Variants in BRD10 observed in about 807,000 individuals in gnomAD.
The protein encoded by BRD10 is uncharacterized bromodomain-containing protein 10.
At chr9:5,905,290 G>C in the BRD10 span, among the ~76,000 whole-genome samples, 432 of 152,176 alleles carry the variant, frequency 2.8e-3, 2 homozygotes, top group African/African-American at 9.9e-3. Flanking sequence ...GGACCCCAGG[G>C]AAACCTGAAA....
the BRD10 span, among the ~76,000 whole-genome samples, chr9:5,894,128 G>A: frequency 6.6e-6 from 1 of 152,128 alleles, no homozygotes; most frequent in Non-Finnish European, 1.5e-5. This position sits in a 1 kb window ranked among gnomAD's most constrained non-coding sequence, Gnocchi z 4.0. Flanking sequence ...CTAGGGCAGA[G>A]GTCAGTATCT....
the BRD10 span, chr9:5,969,432 G>A: frequency 2.0e-5 from 30 of 1,525,968 alleles, 1 homozygote; most frequent in South Asian, 6.4e-5. Flanking sequence ...TCCTGCTCCC[G>A]AAGCCTAAAG....
chr9:5,907,222 G>C, the BRD10 span: 1 of 305,976 alleles, frequency 3.3e-6, no homozygotes, highest in Non-Finnish European at 5.9e-6. Flanking sequence ...TTTCTTAATT[G>C]TGTTGTCACA....
At chr9:5,969,518 C>T in the BRD10 span, 19 of 894,778 alleles carry the variant, frequency 2.1e-5, no homozygotes, top group Non-Finnish European at 3.1e-5. Context: ...TATCTTTAGC[C>T]AAAAAGGCAA....
chr9:5,910,057 T>C, the BRD10 span: 1 of 152,224 alleles, frequency 6.6e-6, no homozygotes, highest in South Asian at 2.1e-4. Context: ...AAGAAAATAC[T>C]AATGGTCACA....
the BRD10 span, among the ~76,000 whole-genome samples, chr9:5,927,425 C>T: frequency 1.2e-4 from 19 of 152,224 alleles, no homozygotes; most frequent in Middle Eastern, 3.4e-3. Flanking sequence ...ATCACACAAA[C>T]GACAACAACA....
chr9:5,895,568 C>G, the BRD10 span, among the ~76,000 whole-genome samples: 1 of 152,158 alleles, frequency 6.6e-6, no homozygotes. Flanking sequence ...TACATACCTG[C>G]TTTGGGTATT....
the BRD10 span, among the ~76,000 whole-genome samples, chr9:5,994,424 T>C: frequency 6.6e-6 from 1 of 152,176 alleles, no homozygotes; most frequent in Non-Finnish European, 1.5e-5. Flanking sequence ...GGAAAAGAAG[T>C]AGTCTTCATA....
chr9:5,908,517 G>C, the BRD10 span: 40 of 835,938 alleles, frequency 4.8e-5, no homozygotes, highest in East Asian at 5.6e-4. Context: ...AAATTATATG[G>C]GAACACTTAG....
the BRD10 span, among the ~76,000 whole-genome samples, chr9:5,896,167 G>C: frequency 1.3e-5 from 2 of 152,208 alleles, no homozygotes; most frequent in African/African-American, 2.4e-5. Context: ...TGGTTGTGCA[G>C]CCCTGGGCAC....
At chr9:5,992,705 T>A in the BRD10 span, among the ~76,000 whole-genome samples, 1 of 87,762 alleles carries the variant, frequency 1.1e-5, no homozygotes, top group Non-Finnish European at 2.7e-5. Context: ...ACGTTTACTT[T>A]CTTTCTCCCC....
At chr9:5,906,359 A>G in the BRD10 span, among the ~76,000 whole-genome samples, 53 of 149,482 alleles carry the variant, frequency 3.5e-4, 1 homozygote, top group African/African-American at 1.3e-3. Context: ...AAAAGAAAAG[A>G]AAAAAAAAGT....
chr9:5,919,543 AACACACACAC>A, the BRD10 span: 311 of 396,972 alleles, frequency 7.8e-4, 1 homozygote, highest in Middle Eastern at 4.4e-3. Context: ...GATACATTAA[AACACACACAC>A]ACACACACAC....
the BRD10 span, among the ~76,000 whole-genome samples, chr9:5,883,643 T>C: frequency 6.6e-6 from 1 of 151,938 alleles, no homozygotes; most frequent in Non-Finnish European, 1.5e-5. Context: ...TTTTATTTTT[T>C]TGTACAGACA....
At chr9:5,908,073 CTG>C in the BRD10 span, among the ~76,000 whole-genome samples, 1 of 152,200 alleles carries the variant, frequency 6.6e-6, no homozygotes, top group Admixed American at 6.5e-5. Context: ...AGCCAAATTA[CTG>C]TGTTTGATTC....
chr9:5,934,002 G>A, the BRD10 span: 6 of 334,874 alleles, frequency 1.8e-5, no homozygotes, highest in Non-Finnish European at 3.6e-5. Context: ...AAAGTCACTT[G>A]TTTATACAAG....
At chr9:5,982,797 G>A in the BRD10 span, among the ~76,000 whole-genome samples, 7,684 of 152,288 alleles carry the variant, frequency 0.05, 232 homozygotes, top group Middle Eastern at 0.075. Flanking sequence ...ACAGAAAGTC[G>A]GGATCAGGGA....
the BRD10 span, among the ~76,000 whole-genome samples, chr9:5,964,859 G>T: frequency 8.8e-6 from 1 of 113,354 alleles, no homozygotes; most frequent in Non-Finnish European, 1.8e-5. Context: ...TGAACAATGA[G>T]ATCACATGGA....
At chr9:5,931,745 C>G in the BRD10 span, among the ~76,000 whole-genome samples, 3 of 152,104 alleles carry the variant, frequency 2.0e-5, no homozygotes, top group African/African-American at 7.2e-5. Flanking sequence ...ATAGAAAAGA[C>G]TGATAAAATG....
Sources: gnomAD v4.1 joint callset for allele counts (sites outside exome capture counted in the v4.1 genomes callset) on GRCh38, gnomAD v4.1.1 for gene constraint, Gnocchi (gnomAD v3.1) non-coding constraint, MANE v1.5 for transcripts, NCBI Gene and HGNC (gene_info 2026-07-23, HGNC 2026-07-21) for gene names.